PRDM5: variants seen among roughly 807,000 people sequenced by gnomAD.
The protein encoded by PRDM5 is PR/SET domain 5.
In PRDM5, 56 loss-of-function variants were observed where a neutral mutation model predicts 81.2. That is an observed-to-expected ratio of 0.69 (90% CI 0.56 to 0.86). PRDM5 has a LOEUF of 0.86. PRDM5 is among the 40% of genes least tolerant of loss of function. PRDM5 has a pLI of 0.00. For missense variants in PRDM5, 697 were observed against 770.1 expected (o/e 0.91, Z 1.12); for synonymous variants, 267 against 256.4 (o/e 1.04, Z -0.39).
At chr4:120,851,909 G>C (rs1759316246) in intron 3 of PRDM5, among the ~76,000 whole-genome samples, 1 of 152,110 alleles carries the variant, frequency 6.6e-6, no homozygotes, top group South Asian at 2.1e-4. Context: ...TACTGTTCAT[G>C]TCTTATTCTT....
chr4:120,696,958 G>A (rs1202748743), intron 15 of PRDM5, among the ~76,000 whole-genome samples: 1 of 152,082 alleles, frequency 6.6e-6, no homozygotes, highest in East Asian at 1.9e-4. Context: ...CAATACCTTT[G>A]AGGCAACTGC....
At chr4:120,774,839 C>A (rs1005203330) in intron 13 of PRDM5, among the ~76,000 whole-genome samples, 5 of 150,868 alleles carry the variant, frequency 3.3e-5, no homozygotes, top group Non-Finnish European at 7.4e-5. Context: ...TGTGGACACA[C>A]AAACACATAC....
chr4:120,692,926 A>T lies in PRDM5; in HGVS notation c.*2185T>A, dbSNP rs915834915. 1 of 152,096 alleles carries T rather than the reference A, an allele frequency of 6.6e-6. No homozygotes were observed. Among genetic ancestry groups the T allele is most frequent in the Non-Finnish European group, 1.5e-5 (1 of 68,012 alleles). The allele number at this position is 152,096 out of a possible 1,614,324, so 9.4% of individuals were successfully genotyped here. A position where few individuals can be genotyped will look rare whatever the true frequency, so the allele number is the denominator to read the frequency against. ...AGCAAATGCTAATATATCTGAAACT[A>T]CCCATGAATACTTGTCTTTTGGATA... is the stretch of plus-strand genomic sequence containing the variant. On this transcript the variant is annotated 3_prime_UTR_variant, in exon 16 of 16. Transcript: ENST00000264808.
At chr4:120,837,720 G>A (rs1757521810) in intron 3 of PRDM5, 1 of 152,208 alleles carries the variant, frequency 6.6e-6, no homozygotes, top group South Asian at 2.1e-4. Context: ...CTGAGGGAAA[G>A]TTCTCAAAAG....
chr4:120,919,364 T>A (rs1724612783), intron 1 of PRDM5, among the ~76,000 whole-genome samples: 1 of 152,204 alleles, frequency 6.6e-6, no homozygotes, highest in Non-Finnish European at 1.5e-5. Flanking sequence ...ACCTGCCACA[T>A]ATGAATGATT....
chr4:120,887,031 C>T (rs183127124), intron 2 of PRDM5, among the ~76,000 whole-genome samples: 157 of 152,026 alleles, frequency 1.0e-3, no homozygotes, highest in African/African-American at 3.6e-3. Context: ...CTGCAACCTC[C>T]ACTTCCTGGG....
intron 14 of PRDM5, among the ~76,000 whole-genome samples, chr4:120,733,147 T>G (rs576002665): frequency 6.6e-6 from 1 of 152,348 alleles, no homozygotes; most frequent in East Asian, 1.9e-4. Flanking sequence ...CTTTATTTCA[T>G]AGGTTTGTGT....
At chr4:120,701,153 A>C (rs1735295353) in intron 15 of PRDM5, among the ~76,000 whole-genome samples, 1 of 147,412 alleles carries the variant, frequency 6.8e-6, no homozygotes, top group African/African-American at 2.6e-5. Context: ...ACAAACAAAA[A>C]AAAAAGAGGT....
intron 2 of PRDM5, among the ~76,000 whole-genome samples, chr4:120,906,064 T>C (rs1765760788): frequency 6.6e-6 from 1 of 152,100 alleles, no homozygotes; most frequent in Non-Finnish European, 1.5e-5. Flanking sequence ...CTTGAACTCC[T>C]AGGCTCAGGC....
chr4:120,915,122 A>G (rs190789119), intron 1 of PRDM5, among the ~76,000 whole-genome samples: 62 of 152,264 alleles, frequency 4.1e-4, no homozygotes, highest in African/African-American at 1.4e-3. Context: ...ACCAAAAACC[A>G]CTTGTACCCC....
intron 10 of PRDM5, among the ~76,000 whole-genome samples, chr4:120,790,003 A>G (rs1324314696): frequency 6.6e-6 from 1 of 152,174 alleles, no homozygotes; most frequent in Non-Finnish European, 1.5e-5. Flanking sequence ...GGCAAAGGGA[A>G]GTTGCTAAGA....
intron 2 of PRDM5, among the ~76,000 whole-genome samples, chr4:120,898,112 A>C (rs1432703744): frequency 6.6e-6 from 1 of 152,148 alleles, no homozygotes; most frequent in Non-Finnish European, 1.5e-5. Flanking sequence ...GAAACTGTTC[A>C]CCTTAAACGC....
chr4:120,818,933 A>T (rs1358409647), intron 4 of PRDM5, among the ~76,000 whole-genome samples: 3 of 152,210 alleles, frequency 2.0e-5, no homozygotes, highest in Non-Finnish European at 4.4e-5. Context: ...AGAATCTCAC[A>T]TACATGTGAA....
chr4:120,890,727 G>T (rs1763954428), intron 2 of PRDM5, among the ~76,000 whole-genome samples: 1 of 152,210 alleles, frequency 6.6e-6, no homozygotes, highest in Non-Finnish European at 1.5e-5. Context: ...GATTAGTGAT[G>T]TTGAGCATTT....
At chr4:120,716,919 C>T (rs1358411125) in intron 14 of PRDM5, among the ~76,000 whole-genome samples, 1 of 152,072 alleles carries the variant, frequency 6.6e-6, no homozygotes, top group African/African-American at 2.4e-5. Flanking sequence ...TTACTAATTT[C>T]TTTTCATTAC....
At chr4:120,777,433 T>C in intron 12 of PRDM5, 152 bp from the exon 13 acceptor site, 19 of 1,408,924 alleles carry the variant, frequency 1.3e-5, no homozygotes, top group Admixed American at 2.3e-5. Flanking sequence ...CAATTTATGA[T>C]GGATATTCCC....
At chr4:120,851,708 T>C (rs1028990973) in intron 3 of PRDM5, among the ~76,000 whole-genome samples, 2 of 152,186 alleles carry the variant, frequency 1.3e-5, no homozygotes, top group African/African-American at 4.8e-5. Context: ...TTAAGTAGTC[T>C]AGATGACTGT....
At chr4:120,875,760 G>A (rs1372720357) in intron 2 of PRDM5, among the ~76,000 whole-genome samples, 1 of 152,096 alleles carries the variant, frequency 6.6e-6, no homozygotes, top group African/African-American at 2.4e-5. Flanking sequence ...CAAATGACTA[G>A]GCATTTTGGT....
intron 13 of PRDM5, among the ~76,000 whole-genome samples, chr4:120,768,583 A>T (rs1195476733): frequency 6.6e-6 from 1 of 152,208 alleles, no homozygotes; most frequent in East Asian, 1.9e-4. Flanking sequence ...GAGCCCCCAG[A>T]TCTCTACTAG....
Sources: gnomAD v4.1 joint callset for allele counts (sites outside exome capture counted in the v4.1 genomes callset) on GRCh38, gnomAD v4.1.1 for gene constraint, MANE v1.5 for transcripts, NCBI Gene and HGNC (gene_info 2026-07-23, HGNC 2026-07-21) for gene names.